Variants in MLLT3 observed in about 807,000 individuals in gnomAD.
MLLT3 encodes the protein MLLT3 super elongation complex subunit, also known as protein AF-9.
In MLLT3, 4 loss-of-function variants were observed where a neutral mutation model predicts 53.2. The observed-to-expected ratio is 0.08, with a 90% CI of 0.04 to 0.17. The LOEUF (loss-of-function observed/expected upper bound fraction) is 0.17. Ranked by LOEUF, MLLT3 falls within the 10% of genes least tolerant of loss-of-function variation. MLLT3 has a pLI of 1.00. For synonymous variants in MLLT3, 283 were observed against 230.6 expected (o/e 1.23, Z -2.06); for missense variants, 569 against 684.0 (o/e 0.83, Z 1.87).
chr9:20,443,347 A>C (rs1175667891), intron 4 of MLLT3, among the ~76,000 whole-genome samples: 2 of 152,208 alleles, frequency 1.3e-5, no homozygotes, highest in Non-Finnish European at 2.9e-5. Flanking sequence ...TGCTGGTCAT[A>C]TATGTGAACT....
chr9:20,435,658 A>G (rs1586947427), intron 4 of MLLT3, among the ~76,000 whole-genome samples: 1 of 152,278 alleles, frequency 6.6e-6, no homozygotes, highest in East Asian at 1.9e-4. Context: ...GGGAGGTGTA[A>G]GGATGGTATC....
At chr9:20,383,260 G>T (rs141778379) in intron 5 of MLLT3, among the ~76,000 whole-genome samples, 1 of 151,832 alleles carries the variant, frequency 6.6e-6, no homozygotes, top group East Asian at 1.9e-4. Context: ...TGGGGGGTAC[G>T]TTATTTTAAA....
At chr9:20,454,085 C>T (rs1319586254) in intron 3 of MLLT3, among the ~76,000 whole-genome samples, 1 of 152,104 alleles carries the variant, frequency 6.6e-6, no homozygotes, top group Non-Finnish European at 1.5e-5. Flanking sequence ...AGATGTTTTT[C>T]ATCTCATATG....
chr9:20,474,762 G>A lies in MLLT3; in HGVS notation c.194-17976C>T, dbSNP rs113191289. ...ATTTTCTCCCACAGCTACTAAGCTG[G>A]TTTTGAAGACAGCATCCACAGAAAG... On this transcript the variant is annotated intron_variant, in intron 2 of 10. Coordinates refer to ENST00000380338, the MANE Select transcript of MLLT3 (RefSeq NM_004529.4). 1.8e-3 allele frequency among the ~76,000 whole-genome samples: 278 copies of A among 152,150 alleles called. 2 individuals are homozygous for A. Among genetic ancestry groups the A allele is most frequent in the South Asian group, 0.017 (83 of 4,822 alleles).
intron 2 of MLLT3, among the ~76,000 whole-genome samples, chr9:20,566,018 A>T (rs1587076189): frequency 7.6e-6 from 1 of 131,246 alleles, no homozygotes; most frequent in African/African-American, 2.8e-5. Flanking sequence ...ATATTTTTAT[A>T]TATATTTATT....
At chr9:20,465,587 G>C (rs141184458) in intron 2 of MLLT3, among the ~76,000 whole-genome samples, 6 of 152,028 alleles carry the variant, frequency 3.9e-5, no homozygotes, top group African/African-American at 1.2e-4. Flanking sequence ...TTAAAAAATA[G>C]CCTAGGAGAC....
At chr9:20,543,065 G>A (rs1434295994) in intron 2 of MLLT3, among the ~76,000 whole-genome samples, 3 of 152,202 alleles carry the variant, frequency 2.0e-5, no homozygotes, top group East Asian at 1.9e-4. Context: ...AAGAGATTTA[G>A]GGCCTTGCTC....
At chr9:20,581,801 T>C (rs1039240658) in intron 2 of MLLT3, among the ~76,000 whole-genome samples, 2 of 152,138 alleles carry the variant, frequency 1.3e-5, no homozygotes, top group African/African-American at 4.8e-5. Flanking sequence ...AGGAATACCA[T>C]TACCTCTGGC....
chr9:20,414,454 T>C, intron 4 of MLLT3, 29 bp from the exon 5 acceptor site: 1 of 1,601,002 alleles, frequency 6.2e-7, no homozygotes, highest in Non-Finnish European at 8.5e-7. Flanking sequence ...AAAATGAAAC[T>C]CCCAAAACTA....
intron 2 of MLLT3, among the ~76,000 whole-genome samples, chr9:20,606,605 G>T (rs974215214): frequency 6.6e-6 from 1 of 152,098 alleles, no homozygotes; most frequent in African/African-American, 2.4e-5. Flanking sequence ...TAGGGAGTGT[G>T]GGAGGTGGAG....
At position 20,360,845 on chromosome 9, in the gene MLLT3, A is replaced by T. The variant is rs765787684; in HGVS notation, c.1332-4T>A. 3.1e-6 allele frequency: 5 copies of T among 1,612,136 alleles called. No individual in the cohort carries two copies. Among genetic ancestry groups the T allele is most frequent in the African/African-American group, 2.7e-5 (2 of 74,898 alleles). On this transcript the variant is annotated splice_region_variant and splice_polypyrimidine_tract_variant and intron_variant, in intron 7 of 10. Coordinates refer to ENST00000380338, the MANE Select transcript of MLLT3 (RefSeq NM_004529.4). ...GCTGCCATCACTTAAGCTAACTCTG[A>T]AAAGAAACAGACAAGTTATGCACAT... is the stretch of plus-strand genomic sequence containing the variant.
rs1820809794 is a variant in MLLT3 at position 20,344,259 on chromosome 9, A to G, written c.*2184T>C. 5.0e-6 allele frequency: 1 copy of G among 198,984 alleles called. No homozygotes were observed. Among genetic ancestry groups the G allele is most frequent in the Admixed American group, 6.0e-5 (1 of 16,590 alleles). 12.3% of individuals were successfully genotyped at this position (198,984 alleles called of 1,614,324 possible). Reference sequence around the variant, plus strand: ...TGGCAAATCATATTTTTTGCCCCACAATTTAGTTACAGAAATAAAAATGGC... The same window carrying G: ...TGGCAAATCATATTTTTTGCCCCACGATTTAGTTACAGAAATAAAAATGGC... On this transcript the variant is annotated 3_prime_UTR_variant, in exon 11 of 11. Transcript: ENST00000380338.
rs147641987 is a variant in MLLT3 at position 20,464,219 on chromosome 9, A to C, written c.194-7433T>G. Among the ~76,000 whole-genome samples the C allele has an allele frequency of 4.3e-3, 648 of 152,204 alleles. 3 individuals carry two copies. The highest frequency in any genetic ancestry group is 0.014 in the East Asian group (75 of 5,180). The stretch of plus-strand genomic sequence containing the variant: ...GAATTTTAATGTGTTAATTTATAAA[A>C]TTATACTTTTCATTAATATTAACGC... On this transcript the variant is annotated intron_variant, in intron 2 of 10. Coordinates refer to ENST00000380338, the MANE Select transcript of MLLT3 (RefSeq NM_004529.4).
intron 10 of MLLT3, among the ~76,000 whole-genome samples, chr9:20,352,710 T>TAAA (rs59397349): frequency 1.7e-5 from 2 of 116,772 alleles, no homozygotes; most frequent in African/African-American, 6.3e-5. Context: ...CATTAAATGT[T>TAAA]AAAAAAAAAA....
At chr9:20,394,266 G>A (rs894052259) in intron 5 of MLLT3, among the ~76,000 whole-genome samples, 1 of 151,992 alleles carries the variant, frequency 6.6e-6, no homozygotes, top group Non-Finnish European at 1.5e-5. Context: ...GAAGCTTTCG[G>A]GTATTTGCCA....
chr9:20,548,673 C>T (rs901271915), intron 2 of MLLT3, among the ~76,000 whole-genome samples: 3 of 152,088 alleles, frequency 2.0e-5, no homozygotes, highest in South Asian at 2.1e-4. Flanking sequence ...ATCTCTTCTG[C>T]GGGCTCTGGG....
intron 4 of MLLT3, among the ~76,000 whole-genome samples, chr9:20,430,410 C>T (rs939141126): frequency 1.1e-4 from 16 of 152,044 alleles, no homozygotes; most frequent in African/African-American, 3.6e-4. Flanking sequence ...TGTAGTATTG[C>T]TACAGAGATC....
intron 4 of MLLT3, among the ~76,000 whole-genome samples, chr9:20,431,239 G>T (rs1823261080): frequency 6.6e-6 from 1 of 152,072 alleles, no homozygotes; most frequent in South Asian, 2.1e-4. Flanking sequence ...CGGCAGACCA[G>T]CAATATTAGT....
chr9:20,367,617 C>T lies in MLLT3; in HGVS notation c.1126-1873G>A, dbSNP rs560925566. On this transcript the variant is annotated intron_variant, in intron 5 of 10. Transcript: ENST00000380338. Reference sequence around the variant, plus strand: ...AAACTTGAATTTTACATATTTAAGGCTAAATTTATTTCACAATAACTTAGT... The same window carrying T: ...AAACTTGAATTTTACATATTTAAGGTTAAATTTATTTCACAATAACTTAGT... Among the ~76,000 whole-genome samples the T allele has an allele frequency of 6.6e-5, 10 of 152,250 alleles. No individual in the cohort carries two copies. The East Asian group carries it at 1.9e-3, about 29-fold the overall frequency.
Sources: gnomAD v4.1 joint callset for allele counts (sites outside exome capture counted in the v4.1 genomes callset) on GRCh38, gnomAD v4.1.1 for gene constraint, MANE v1.5 for transcripts, NCBI Gene and HGNC (gene_info 2026-07-23, HGNC 2026-07-21) for gene names.